Variants in MAGI2 observed in about 807,000 individuals in gnomAD.
MAGI2 encodes membrane-associated guanylate kinase, WW and PDZ domain-containing protein 2.
Under a neutral mutation model 133.3 loss-of-function variants are expected in MAGI2, and 35 were observed. The observed-to-expected ratio is 0.26, with a 90% confidence interval of 0.20 to 0.35. The LOEUF (loss-of-function observed/expected upper bound fraction) is 0.35. Among genes scored for constraint, MAGI2 ranks in the 10% least tolerant of loss-of-function variants. The probability of loss-of-function intolerance (pLI) is 1.00; values close to 1 mark genes in which losing one functional copy is unlikely to be tolerated. For synonymous variants in MAGI2, 729 were observed against 710.6 expected, an observed-to-expected ratio of 1.03 and a Z score of -0.41; for missense variants, 1,636 against 1,863.4, an observed-to-expected ratio of 0.88 and a Z score of 2.25.
Position 79,127,330 on chromosome 7 carries a change from G to T in MAGI2, c.302-120124C>A, listed in dbSNP as rs543216362. 8.9e-4 allele frequency among the ~76,000 whole-genome samples: 135 copies of T among 152,182 alleles called. 2 individuals carry two copies. Among genetic ancestry groups the T allele is most frequent in the African/African-American group, 3.0e-3 (123 of 41,502 alleles). The stretch of plus-strand genomic sequence containing the variant: ...ATATATACCCAGTAATGGGATGGCT[G>T]GGTCAAATGGTATTTCTAGTTCTAG... On this transcript the variant is annotated intron_variant, in intron 1 of 21. Coordinates refer to ENST00000354212, the MANE Select transcript of MAGI2 (RefSeq NM_012301.4).
At chr7:78,841,522 T>TATACATGCCTC (rs1563568626) in intron 2 of MAGI2, among the ~76,000 whole-genome samples, 2 of 152,058 alleles carry the variant, frequency 1.3e-5, no homozygotes, top group East Asian at 3.9e-4. Flanking sequence ...CTCTCATCCT[T>TATACATGCCTC]ACACATGCCT....
intron 6 of MAGI2, among the ~76,000 whole-genome samples, chr7:78,380,746 T>G (rs1479545629): frequency 6.6e-6 from 1 of 152,118 alleles, no homozygotes; most frequent in East Asian, 1.9e-4. Flanking sequence ...AGAATATAAT[T>G]AAAATGCTTG....
At chr7:79,395,166 T>C (rs1295766837) in intron 1 of MAGI2, among the ~76,000 whole-genome samples, 2 of 152,158 alleles carry the variant, frequency 1.3e-5, no homozygotes, top group Non-Finnish European at 2.9e-5. Flanking sequence ...GAAAGGCCAA[T>C]TAGAAAAGAT....
rs186202261 is a variant in MAGI2, at chr7:78,414,459, C to T, written c.1046-45246G>A. Among the ~76,000 whole-genome samples, 63 of 151,936 alleles carry T rather than the reference C, an allele frequency of 4.1e-4. 1 individual carries two copies. In the East Asian group the frequency reaches 9.7e-3, roughly 23 times the overall value. ...TCTGAATAGTAATATTGTTGTTGGG[C>T]TTTATTTTATTCTTTGTACTTTATT... is the stretch of plus-strand genomic sequence containing the variant. On this transcript the variant is annotated intron_variant, in intron 6 of 21. Transcript: ENST00000354212.
intron 6 of MAGI2, among the ~76,000 whole-genome samples, chr7:78,379,180 C>T (rs1386892796): frequency 6.6e-6 from 1 of 151,848 alleles, no homozygotes; most frequent in Non-Finnish European, 1.5e-5. Flanking sequence ...GAGAAATAAA[C>T]AGTCATATTA....
At chr7:79,399,090 C>CTTTTTTTTTTTTTTTTTTTTTTTTTTTTT (rs1337058211) in intron 1 of MAGI2, among the ~76,000 whole-genome samples, 3 of 101,440 alleles carry the variant, frequency 3.0e-5, no homozygotes, top group African/African-American at 5.1e-5. Flanking sequence ...TTTTTTTTTT[C>CTTTTTTTTTTTTTTTTTTTTTTTTTTTTT]TTTTCTTTTT....
chr7:78,444,499 A>C (rs1460532815), intron 6 of MAGI2, among the ~76,000 whole-genome samples: 1 of 152,046 alleles, frequency 6.6e-6, no homozygotes, highest in Admixed American at 6.6e-5. Flanking sequence ...AGAGGAAGAG[A>C]CATGTGTTAC....
intron 21 of MAGI2, chr7:78,073,070 T>C (rs1457690494): frequency 7.5e-6 from 3 of 397,386 alleles, no homozygotes; most frequent in East Asian, 7.1e-5. Flanking sequence ...TAAGTCATTT[T>C]AACTTACTGA....
chr7:78,161,699 A>AAAAAAAAAAAAAT (rs1825029335), intron 15 of MAGI2, among the ~76,000 whole-genome samples: 1 of 150,292 alleles, frequency 6.7e-6, no homozygotes. Flanking sequence ...AAAAAAAAAA[A>AAAAAAAAAAAAAT]GCTGTATTTG....
intron 1 of MAGI2, among the ~76,000 whole-genome samples, chr7:79,012,826 C>G (rs1808303996): frequency 2.0e-5 from 3 of 151,366 alleles, no homozygotes; most frequent in Non-Finnish European, 4.4e-5. Flanking sequence ...TCAGAAAGTC[C>G]AAGATTAAAC....
intron 6 of MAGI2, among the ~76,000 whole-genome samples, chr7:78,408,723 T>C (rs1421893265): frequency 1.3e-5 from 2 of 152,074 alleles, no homozygotes; most frequent in East Asian, 3.9e-4. Flanking sequence ...ATTTTGAAGA[T>C]GGAAAGTAAA....
chr7:78,301,806 A>T (rs1323540854), intron 9 of MAGI2, among the ~76,000 whole-genome samples: 1 of 152,200 alleles, frequency 6.6e-6, no homozygotes, highest in Admixed American at 6.5e-5. Flanking sequence ...GTATGTGCTT[A>T]AGATCAGGGG....
chr7:79,149,473 G>A (rs891774595), intron 1 of MAGI2, among the ~76,000 whole-genome samples: 3 of 152,024 alleles, frequency 2.0e-5, no homozygotes, highest in Non-Finnish European at 4.4e-5. Flanking sequence ...GATGAACCAC[G>A]CAGATATGCA....
At chr7:78,350,782 C>T (rs1275115486) in intron 7 of MAGI2, among the ~76,000 whole-genome samples, 1 of 152,100 alleles carries the variant, frequency 6.6e-6, no homozygotes, top group East Asian at 1.9e-4. Context: ...AATACTGAGC[C>T]CATCAGTATG....
intron 3 of MAGI2, among the ~76,000 whole-genome samples, chr7:78,574,837 G>A (rs770688598): frequency 5.3e-5 from 8 of 152,256 alleles, no homozygotes; most frequent in South Asian, 2.1e-4. Flanking sequence ...AGGTGATGAC[G>A]GTGAATAACT....
At chr7:78,881,939 A>T (rs2151545497) in intron 2 of MAGI2, among the ~76,000 whole-genome samples, 1 of 151,724 alleles carries the variant, frequency 6.6e-6, no homozygotes, top group South Asian at 2.1e-4. Flanking sequence ...AAAAGAAAAG[A>T]AAAAACAAAA....
At chr7:78,173,065 A>G (rs1826261907) in intron 14 of MAGI2, among the ~76,000 whole-genome samples, 1 of 152,242 alleles carries the variant, frequency 6.6e-6, no homozygotes, top group African/African-American at 2.4e-5. Context: ...AAATCTAAGT[A>G]AACACAACAG....
At chr7:78,057,346 G>A (rs902525888) in intron 21 of MAGI2, among the ~76,000 whole-genome samples, 7 of 152,086 alleles carry the variant, frequency 4.6e-5, no homozygotes, top group African/African-American at 1.7e-4. Flanking sequence ...GAGTTTAAGT[G>A]ATTCTCCTGC....
chr7:78,027,718 AC>A (rs1228198223), intron 21 of MAGI2, among the ~76,000 whole-genome samples: 1 of 152,186 alleles, frequency 6.6e-6, no homozygotes, highest in Non-Finnish European at 1.5e-5. Context: ...CAGGGATAGT[AC>A]TATCTACTTA....
Sources: gnomAD v4.1 joint callset for allele counts (sites outside exome capture counted in the v4.1 genomes callset) on GRCh38, gnomAD v4.1.1 for gene constraint, MANE v1.5 for transcripts, NCBI Gene and HGNC (gene_info 2026-07-23, HGNC 2026-07-21) for gene names.